DPY19L2: variants seen among roughly 807,000 people sequenced by gnomAD.
The protein encoded by DPY19L2 is dpy-19 like 2, also known as probable C-mannosyltransferase DPY19L2.
In DPY19L2, 34 loss-of-function variants were observed where a neutral mutation model predicts 97.9. The ratio of observed to expected loss-of-function variants is 0.35; its 90% CI spans 0.26 to 0.46. The LOEUF is 0.46. Among genes scored for constraint, DPY19L2 ranks in the 20% least tolerant of loss-of-function variants. DPY19L2 has a pLI of 1.00. For synonymous variants in DPY19L2, 230 were observed against 307.9 expected (o/e 0.75, Z 2.65); for missense variants, 623 against 911.4 (o/e 0.68, Z 4.07).
intron 1 of DPY19L2, among the ~76,000 whole-genome samples, chr12:63,667,797 G>A (rs1343669435): frequency 1.3e-5 from 2 of 151,832 alleles, no homozygotes; most frequent in Non-Finnish European, 2.9e-5. Context: ...ATCTTCTCTT[G>A]ATCCTTCCCC....
At chr12:63,660,601 A>G (rs1294403829) in intron 4 of DPY19L2, among the ~76,000 whole-genome samples, 1 of 152,038 alleles carries the variant, frequency 6.6e-6, no homozygotes, top group Non-Finnish European at 1.5e-5. Context: ...TATTTATTTT[A>G]GATGGTTGAT....
chr12:63,648,000 A>G (rs1893657662), intron 4 of DPY19L2, among the ~76,000 whole-genome samples: 1 of 152,086 alleles, frequency 6.6e-6, no homozygotes, highest in Non-Finnish European at 1.5e-5. Context: ...GGCCAATGTG[A>G]TAGTATTAAG....
At chr12:63,604,381 T>C (rs1307274372) in intron 12 of DPY19L2, among the ~76,000 whole-genome samples, 1 of 152,224 alleles carries the variant, frequency 6.6e-6, no homozygotes, top group Non-Finnish European at 1.5e-5. Flanking sequence ...ATTCTGCAGG[T>C]GTGTCTTTCA....
rs1197979919 is a variant in DPY19L2, at chr12:63,661,454, T to C, written c.478A>G (p.Ile160Val). ...MGLYYSYFKT[I>V]IEAPSFLEGL... ...TCCAAAAACGAAGGTGCTTCAATAA[T>C]GGTCTTGAAGTATGAATAATAAAGT... is the stretch of plus-strand genomic sequence containing the variant. The change falls in exon 4 of 22, where the codon ATT becomes GTT. Residue 160 changes from isoleucine to valine, a missense_variant. By Grantham distance (29) the Ile-to-Val change is conservative. Transcript: ENST00000324472. 51 of 1,598,316 alleles carry C rather than the reference T, an allele frequency of 3.2e-5. No individual in the cohort carries two copies. The highest frequency in any genetic ancestry group is 4.3e-5 in the Non-Finnish European group (50 of 1,174,540).
At chr12:63,640,430 A>T (rs61936114) in intron 6 of DPY19L2, among the ~76,000 whole-genome samples, 15,890 of 152,170 alleles carry the variant, frequency 0.1, 1,072 homozygotes, top group East Asian at 0.28. Flanking sequence ...AAGGGGAAAG[A>T]TATCAATGTA....
intron 19 of DPY19L2, among the ~76,000 whole-genome samples, chr12:63,576,572 T>G (rs1391691858): frequency 6.6e-6 from 1 of 151,774 alleles, no homozygotes; most frequent in East Asian, 1.9e-4. Flanking sequence ...AAAAAAACTA[T>G]TAGAACTGAT....
intron 19 of DPY19L2, among the ~76,000 whole-genome samples, chr12:63,576,037 A>G (rs1472177961): frequency 6.6e-6 from 1 of 152,032 alleles, no homozygotes; most frequent in Non-Finnish European, 1.5e-5. Context: ...TAATGCAAAA[A>G]TCCTCAACAA....
At chr12:63,589,685 A>G (rs760682428) in intron 16 of DPY19L2, among the ~76,000 whole-genome samples, 1 of 152,204 alleles carries the variant, frequency 6.6e-6, no homozygotes, top group Non-Finnish European at 1.5e-5. Flanking sequence ...TAAGCAACAT[A>G]TGAACCCAGA....
rs773945064 is a variant in DPY19L2 at position 63,580,764 on chromosome 12, G to T, written c.1798C>A (p.Gln600Lys). 6.2e-7 allele frequency: 1 copy of T among 1,613,582 alleles called. No individual in the cohort carries two copies. The highest frequency in any genetic ancestry group is 2.2e-5 in the East Asian group (1 of 44,852). Residue 600 changes from glutamine to lysine, a missense_variant, in exon 19 of 22, where the codon CAA becomes AAA. Physicochemically the swap from Gln to Lys is moderately conservative, Grantham distance 53. Transcript: ENST00000324472. ...TGATTACGGAGGTTTGCATAACCTT[G>T]TATTGACATCACTGTTAAAATGCCA... ...IFGILTVMSIQGYANLRNQWS... is the reference protein window; with the variant it reads ...IFGILTVMSIKGYANLRNQWS...
intron 4 of DPY19L2, among the ~76,000 whole-genome samples, chr12:63,657,602 T>C (rs1307641624): frequency 6.6e-6 from 1 of 152,026 alleles, no homozygotes; most frequent in African/African-American, 2.4e-5. Context: ...CTTCACTGGA[T>C]ACCCACCAGT....
chr12:63,619,787 G>A (rs1487698395), intron 9 of DPY19L2, among the ~76,000 whole-genome samples: 2 of 152,122 alleles, frequency 1.3e-5, no homozygotes, highest in African/African-American at 4.8e-5. Flanking sequence ...GTACAGGCGT[G>A]AGCCATCACA....
intron 6 of DPY19L2, among the ~76,000 whole-genome samples, chr12:63,632,593 T>A (rs539906185): frequency 6.6e-6 from 1 of 152,254 alleles, no homozygotes; most frequent in Admixed American, 6.5e-5. Context: ...AGAAATTCCA[T>A]GCTCATGGGT....
intron 6 of DPY19L2, among the ~76,000 whole-genome samples, chr12:63,643,385 A>G (rs1353788959): frequency 6.6e-6 from 1 of 152,114 alleles, no homozygotes; most frequent in African/African-American, 2.4e-5. Context: ...ATATTTACTA[A>G]TCTCTATATT....
In DPY19L2 at chr12:63,599,227, A is replaced by G. The variant is rs1294349924; in HGVS notation, c.1359+1079T>C. On this transcript the variant is annotated intron_variant, in intron 13 of 21. Coordinates refer to ENST00000324472, the MANE Select transcript of DPY19L2 (RefSeq NM_173812.5). ...TAGATTTGTAAAGATCTGGGGGTCA[A>G]TGTGAAGTAAGGCAAGAAACATAAT... 2.6e-5 allele frequency among the ~76,000 whole-genome samples: 4 copies of G among 152,182 alleles called. No individual in the cohort carries two copies. The East Asian group carries it at 7.7e-4, about 29-fold the overall frequency.
chr12:63,636,981 C>T (rs778264959), intron 6 of DPY19L2, among the ~76,000 whole-genome samples: 9 of 152,268 alleles, frequency 5.9e-5, no homozygotes, highest in Non-Finnish European at 1.2e-4. Context: ...ACAAAATATA[C>T]ATTCTTCTCA....
intron 13 of DPY19L2, 30 bp downstream of exon 13, chr12:63,600,276 A>C: frequency 1.3e-6 from 2 of 1,545,536 alleles, no homozygotes; most frequent in Non-Finnish European, 1.8e-6. Flanking sequence ...ATTTATAAGA[A>C]CTTTCATGTT....
intron 6 of DPY19L2, among the ~76,000 whole-genome samples, chr12:63,641,925 G>A (rs1892757438): frequency 6.6e-6 from 1 of 152,110 alleles, no homozygotes; most frequent in Admixed American, 6.5e-5. Flanking sequence ...CACCTGTGGT[G>A]GATGAAAGCT....
Position 63,559,680 on chromosome 12 carries a change from A to T in DPY19L2, c.*832T>A, listed in dbSNP as rs1592345166. On this transcript the variant is annotated 3_prime_UTR_variant, in exon 22 of 22. Transcript: ENST00000324472. ...TGAAAAGACCTTTCCTTTATTCAAG[A>T]TCTAGGATCTGAAAATCTCACTTCA... 1 of 152,326 alleles carries T rather than the reference A, an allele frequency of 6.6e-6. No individual in the cohort carries two copies. The highest frequency in any genetic ancestry group is 1.9e-4 in the East Asian group (1 of 5,182). 9.4% of individuals were successfully genotyped at this position (152,326 alleles called of 1,614,324 possible). A position where few individuals can be genotyped will look rare whatever the true frequency, so the allele number is the denominator to read the frequency against.
chr12:63,641,118 T>G (rs1592699765), intron 6 of DPY19L2, among the ~76,000 whole-genome samples: 1 of 152,008 alleles, frequency 6.6e-6, no homozygotes, highest in East Asian at 1.9e-4. Flanking sequence ...GTTAGCCAGG[T>G]TGGTCTCGAT....
Sources: gnomAD v4.1 joint callset for allele counts (sites outside exome capture counted in the v4.1 genomes callset) on GRCh38, gnomAD v4.1.1 for gene constraint, MANE v1.5 for transcripts, NCBI Gene and HGNC (gene_info 2026-07-23, HGNC 2026-07-21) for gene names.